Variants in MTCL1 observed in about 807,000 individuals in gnomAD.
MTCL1 encodes microtubule cross-linking factor 1.
Under a neutral mutation model 141.4 loss-of-function variants are expected in MTCL1, and 79 were observed. The ratio of observed to expected loss-of-function variants is 0.56; its 90% CI spans 0.47 to 0.67. MTCL1 has a LOEUF of 0.67. Among genes scored for constraint, MTCL1 ranks in the 30% least tolerant of loss-of-function variants. The probability of loss-of-function intolerance (pLI) is 0.00; values close to 1 mark genes in which losing one functional copy is unlikely to be tolerated. For synonymous variants in MTCL1, 914 were observed against 875.8 expected (o/e 1.04, Z -0.77); for missense variants, 2,177 against 2,113.9 (o/e 1.03, Z -0.59).
chr18:8,734,240 C>G (rs2096265168), intron 4 of MTCL1, among the ~76,000 whole-genome samples: 1 of 151,986 alleles, frequency 6.6e-6, no homozygotes, highest in African/African-American at 2.4e-5. Context: ...ATCAAGAACT[C>G]TTTTCCTCCT....
chr18:8,819,410 A>G (rs2076768106), intron 13 of MTCL1, 151 bp downstream of exon 12: 3 of 783,740 alleles, frequency 3.8e-6, no homozygotes, highest in African/African-American at 1.7e-5. Context: ...AAATCTTCAC[A>G]ACACCAAGGG....
At chr18:8,809,331 T>C (rs1200178212) in intron 11 of MTCL1, 3 of 1,280,048 alleles carry the variant, frequency 2.3e-6, no homozygotes, top group South Asian at 1.5e-5. Context: ...AAATTTAGCA[T>C]GTCCTCCGGT....
intron 11 of MTCL1, 110 bp downstream of exon 10, chr18:8,807,170 G>A: frequency 8.4e-7 from 1 of 1,189,382 alleles, no homozygotes. Flanking sequence ...TTCTTGTCCA[G>A]GAAAAAAAGA....
chr18:8,708,402 T>G (rs1465778289), intron 1 of MTCL1, among the ~76,000 whole-genome samples: 1 of 151,784 alleles, frequency 6.6e-6, no homozygotes, highest in Non-Finnish European at 1.5e-5. Flanking sequence ...TGGAGTCTGA[T>G]ACAGTGTATT....
At chr18:8,825,175 G>A in exon 15 of MTCL1, 2 of 1,579,104 alleles carry the variant, frequency 1.3e-6, no homozygotes, top group Non-Finnish European at 1.7e-6. Flanking sequence ...GCCAGAGGGA[G>A]CCCGGGAGAC....
chr18:8,811,505 T>C (rs1315886215), intron 11 of MTCL1, among the ~76,000 whole-genome samples: 1 of 151,754 alleles, frequency 6.6e-6, no homozygotes, highest in Non-Finnish European at 1.5e-5. Context: ...CTGGGTGGTT[T>C]AAGTCATTAA....
intron 14 of MTCL1, 75 bp from the exon 14 acceptor site, chr18:8,824,624 G>A: frequency 7.6e-7 from 1 of 1,319,148 alleles, no homozygotes; most frequent in Non-Finnish European, 1.0e-6. Flanking sequence ...TTCTCATGCA[G>A]GGCAGGACAT....
At chr18:8,814,283 G>T (rs531581151) in intron 12 of MTCL1, among the ~76,000 whole-genome samples, 2 of 152,058 alleles carry the variant, frequency 1.3e-5, no homozygotes, top group Non-Finnish European at 2.9e-5. Context: ...AAAATACACC[G>T]CAGGTGAGCT....
intron 10 of MTCL1, among the ~76,000 whole-genome samples, chr18:8,799,369 A>G (rs2076039260): frequency 6.6e-6 from 1 of 152,064 alleles, no homozygotes; most frequent in Non-Finnish European, 1.5e-5. Flanking sequence ...AGATTTTCAC[A>G]CCTAAACAGC....
chr18:8,778,049 C>A, intron 5 of MTCL1, 157 bp downstream of exon 4: 1 of 569,316 alleles, frequency 1.8e-6, no homozygotes, highest in Non-Finnish European at 2.9e-6. Flanking sequence ...ACAGTGTGAA[C>A]ATTTTCTTTG....
At chr18:8,780,075 A>G (rs11663529) in intron 5 of MTCL1, among the ~76,000 whole-genome samples, 49,305 of 152,062 alleles carry the variant, frequency 0.32, 9,068 homozygotes, top group East Asian at 0.54. Context: ...TATAACCTCC[A>G]GCGTGTTTCA....
intron 11 of MTCL1, among the ~76,000 whole-genome samples, chr18:8,808,688 C>G (rs2076382520): frequency 6.6e-6 from 1 of 152,254 alleles, no homozygotes; most frequent in African/African-American, 2.4e-5. Context: ...AAGTTACCTT[C>G]TTTCAGTGGA....
At chr18:8,752,102 T>A (rs1046364039) in intron 4 of MTCL1, among the ~76,000 whole-genome samples, 1 of 152,170 alleles carries the variant, frequency 6.6e-6, no homozygotes, top group Non-Finnish European at 1.5e-5. Flanking sequence ...CCCCAGAGCT[T>A]TGACTCTAGG....
In MTCL1 at chr18:8,779,106, G is replaced by A. The variant is rs557173553; in HGVS notation, c.417+1214G>A. ...ACCCAAAGGAAGCTGGCGCCCCGGC[G>A]CAAGGTAGGCACGTGGGCAGTCACC... is the stretch of plus-strand genomic sequence containing the variant. On this transcript the variant is annotated intron_variant, in intron 5 of 16. Transcript: ENST00000359865. This position sits in a 1 kb window ranked among gnomAD's most constrained non-coding sequence, Gnocchi z 4.1. Among the ~76,000 whole-genome samples the A allele has an allele frequency of 3.9e-5, 6 of 152,380 alleles. No individual in the cohort carries two copies. Among genetic ancestry groups the A allele is most frequent in the South Asian group, 2.1e-4 (1 of 4,832 alleles).
upstream of MTCL1, among the ~76,000 whole-genome samples, chr18:8,715,245 C>A (rs942281731): frequency 1.3e-5 from 2 of 152,188 alleles, no homozygotes; most frequent in Non-Finnish European, 2.9e-5. Flanking sequence ...TATGAAAATG[C>A]AGCATTTAAC....
chr18:8,787,945 C>CTG (rs1421398609), intron 7 of MTCL1, among the ~76,000 whole-genome samples: 2 of 152,226 alleles, frequency 1.3e-5, no homozygotes, highest in African/African-American at 4.8e-5. Context: ...GAATGTCACT[C>CTG]TGACAGCCTT....
intron 11 of MTCL1, among the ~76,000 whole-genome samples, chr18:8,809,192 G>A (rs1598757684): frequency 6.6e-6 from 1 of 152,212 alleles, no homozygotes; most frequent in East Asian, 1.9e-4. Context: ...CTTCAAGATA[G>A]AGAATGGATT....
intron 4 of MTCL1, among the ~76,000 whole-genome samples, chr18:8,751,770 C>A (rs2096372662): frequency 6.6e-6 from 1 of 152,124 alleles, no homozygotes; most frequent in African/African-American, 2.4e-5. Flanking sequence ...ATCTTTTTTG[C>A]TGTTATGAAG....
At chr18:8,705,589 C>T, upstream of MTCL1, 4 of 1,018,204 alleles carry the variant, frequency 3.9e-6, no homozygotes, top group Non-Finnish European at 4.8e-6. The surrounding 1 kb of genome is among the most constrained non-coding windows in gnomAD (Gnocchi z 5.2). Context: ...GGCTGCACGC[C>T]GCCGCCGCCG....
Sources: gnomAD v4.1 joint callset for allele counts (sites outside exome capture counted in the v4.1 genomes callset) on GRCh38, gnomAD v4.1.1 for gene constraint, Gnocchi (gnomAD v3.1) non-coding constraint, MANE v1.5 for transcripts, NCBI Gene and HGNC (gene_info 2026-07-23, HGNC 2026-07-21) for gene names.